Variants in TTC29 observed in about 807,000 individuals in gnomAD.
TTC29 encodes the protein tetratricopeptide repeat protein 29.
Under a neutral mutation model 58.1 loss-of-function variants are expected in TTC29, and 49 were observed. That is an observed-to-expected ratio of 0.84 (90% CI 0.67 to 1.07). TTC29 has a LOEUF of 1.07. Ranked by LOEUF, TTC29 falls within the 50% of genes least tolerant of loss-of-function variation. TTC29 has a pLI of 0.00. For missense variants in TTC29, 582 were observed against 555.6 expected, an observed-to-expected ratio of 1.05 and a Z score of -0.48; for synonymous variants, 209 against 196.8, an observed-to-expected ratio of 1.06 and a Z score of -0.52.
intron 4 of TTC29, among the ~76,000 whole-genome samples, chr4:146,918,841 A>G (rs72960341): frequency 0.16 from 23,885 of 151,038 alleles, 3,010 homozygotes; most frequent in African/African-American, 0.34. Context: ...TAGCTGTCGC[A>G]CAGCACTTCA....
At position 146,939,794 on chromosome 4, in the gene TTC29, G is replaced by A. The variant is rs756985091; in HGVS notation, c.92+10C>T. 4 of 1,601,958 alleles carry A rather than the reference G, an allele frequency of 2.5e-6. No individual in the cohort carries two copies. The highest frequency in any genetic ancestry group is 3.4e-6 in the Non-Finnish European group (4 of 1,175,880). ...CTGTAGGAAAATAAGTAAAAACCAG[G>A]GGCACGTACCTTGGAATTTTTCTGG... is the stretch of plus-strand genomic sequence containing the variant. On this transcript the variant is annotated intron_variant, in intron 3 of 12. Transcript: ENST00000325106.
chr4:146,814,692 C>A (rs1225617672), intron 10 of TTC29, among the ~76,000 whole-genome samples: 1 of 139,794 alleles, frequency 7.2e-6, no homozygotes, highest in Admixed American at 7.7e-5. Context: ...TGCCACTGCA[C>A]TCCAGCCTGG....
At chr4:146,782,427 C>G (rs1299849062) in intron 11 of TTC29, among the ~76,000 whole-genome samples, 1 of 151,710 alleles carries the variant, frequency 6.6e-6, no homozygotes, top group Non-Finnish European at 1.5e-5. Context: ...AATTGAATAG[C>G]AAGATAAAAT....
chr4:146,765,665 A>G (rs1241504858), intron 11 of TTC29, among the ~76,000 whole-genome samples: 1 of 152,184 alleles, frequency 6.6e-6, no homozygotes, highest in Non-Finnish European at 1.5e-5. Flanking sequence ...CTACTTAAGC[A>G]ATAACACTCC....
At position 146,785,115 on chromosome 4, in the gene TTC29, G is replaced by A. The variant is rs539423036; in HGVS notation, c.1330+18342C>T. 2.1e-3 allele frequency among the ~76,000 whole-genome samples: 318 copies of A among 151,738 alleles called. 4 individuals carry two copies. The highest frequency in any genetic ancestry group is 3.0e-3 in the Non-Finnish European group (203 of 67,964). On this transcript the variant is annotated intron_variant, in intron 11 of 12. Coordinates refer to ENST00000325106, the MANE Select transcript of TTC29 (RefSeq NM_031956.4). ...TGTGTGTGTCTCTGTGTGTGTGTGT[G>A]TACACACTTGAGCCTTTTAAAAATA...
chr4:146,856,392 T>TA (rs977186676), intron 8 of TTC29, among the ~76,000 whole-genome samples: 37 of 151,986 alleles, frequency 2.4e-4, no homozygotes, highest in Admixed American at 9.2e-4. Flanking sequence ...GCTTTCATGT[T>TA]AAAAAAAATC....
At chr4:146,829,432 C>A (rs1489697853) in intron 9 of TTC29, among the ~76,000 whole-genome samples, 1 of 152,138 alleles carries the variant, frequency 6.6e-6, no homozygotes, top group African/African-American at 2.4e-5. Context: ...ATGAAACAGC[C>A]ACTAAGGGGT....
intron 11 of TTC29, among the ~76,000 whole-genome samples, chr4:146,787,999 C>A (rs1028294426): frequency 4.9e-4 from 75 of 152,086 alleles, no homozygotes; most frequent in Admixed American, 3.7e-3. Flanking sequence ...ATGCTGCCTA[C>A]GATGAGTAGC....
At chr4:146,850,647 C>T (rs1031648596) in intron 8 of TTC29, among the ~76,000 whole-genome samples, 8 of 152,188 alleles carry the variant, frequency 5.3e-5, no homozygotes, top group Non-Finnish European at 8.8e-5. Context: ...ATTTTCAAAA[C>T]CCATTTTGAA....
intron 11 of TTC29, among the ~76,000 whole-genome samples, chr4:146,719,301 C>A (rs1743184436): frequency 6.6e-6 from 1 of 151,746 alleles, no homozygotes; most frequent in African/African-American, 2.4e-5. Flanking sequence ...CTCAACTACC[C>A]TATGCTTTAG....
At chr4:146,900,921 C>T (rs919901827) in intron 6 of TTC29, among the ~76,000 whole-genome samples, 2 of 152,074 alleles carry the variant, frequency 1.3e-5, no homozygotes, top group Admixed American at 6.5e-5. Context: ...ATTCAAAATA[C>T]ACTTATGACA....
chr4:146,715,589 T>C (rs1014243848), intron 11 of TTC29, among the ~76,000 whole-genome samples: 3 of 151,850 alleles, frequency 2.0e-5, no homozygotes, highest in Non-Finnish European at 4.4e-5. Context: ...GAGAATAGGA[T>C]AGTGGGTATT....
At chr4:146,877,442 T>A (rs1579891276) in intron 6 of TTC29, among the ~76,000 whole-genome samples, 2 of 152,298 alleles carry the variant, frequency 1.3e-5, no homozygotes, top group Middle Eastern at 3.4e-3. Context: ...CTCTAATCTA[T>A]CTTTACTTTT....
Position 146,809,284 on chromosome 4 carries a change from C to G in TTC29, c.1102-5599G>C, listed in dbSNP as rs528281748. Among the ~76,000 whole-genome samples the G allele has an allele frequency of 6.7e-5, 10 of 150,016 alleles. 1 individual carries two copies. In the East Asian group the frequency reaches 2.0e-3, roughly 30 times the overall value. ...CGTAAGACCTAAAACCATAAAAACC[C>G]CAGAAGAAAACCTAGGCAATACCAT... On this transcript the variant is annotated intron_variant, in intron 10 of 12. Coordinates refer to ENST00000325106, the MANE Select transcript of TTC29 (RefSeq NM_031956.4).
chr4:146,892,467 T>C (rs1329266992), intron 6 of TTC29, among the ~76,000 whole-genome samples: 3 of 152,156 alleles, frequency 2.0e-5, no homozygotes, highest in African/African-American at 4.8e-5. Context: ...GAAAAGGCCT[T>C]TGACAAAATT....
chr4:146,775,119 T>G (rs529918314), intron 11 of TTC29, among the ~76,000 whole-genome samples: 13 of 152,318 alleles, frequency 8.5e-5, no homozygotes, highest in African/African-American at 3.1e-4. Flanking sequence ...ATCCATTTAC[T>G]TACTTTGAGC....
chr4:146,760,510 G>A (rs184212984), intron 11 of TTC29, among the ~76,000 whole-genome samples: 2 of 151,814 alleles, frequency 1.3e-5, no homozygotes, highest in Admixed American at 6.6e-5. Flanking sequence ...CAAATCTAGA[G>A]GCATCACACT....
At chr4:146,826,254 T>C (rs1000790941) in intron 9 of TTC29, among the ~76,000 whole-genome samples, 1 of 152,224 alleles carries the variant, frequency 6.6e-6, no homozygotes, top group Non-Finnish European at 1.5e-5. Flanking sequence ...GTACCAGTTT[T>C]TCCTTTCCAT....
chr4:146,721,307 T>C (rs954201153), intron 11 of TTC29, among the ~76,000 whole-genome samples: 1 of 152,136 alleles, frequency 6.6e-6, no homozygotes, highest in Non-Finnish European at 1.5e-5. Context: ...TGTTAGAGCA[T>C]GTTTTCTCAA....
Sources: gnomAD v4.1 joint callset for allele counts (sites outside exome capture counted in the v4.1 genomes callset) on GRCh38, gnomAD v4.1.1 for gene constraint, MANE v1.5 for transcripts, NCBI Gene and HGNC (gene_info 2026-07-23, HGNC 2026-07-21) for gene names.